The following DMD variants were observed in gnomAD, a reference collection of about 807,000 sequenced individuals.
The protein encoded by DMD is mutant dystrophin.
A neutral mutation model predicts 330.1 loss-of-function variants in DMD; 63 were observed. The ratio of observed to expected loss-of-function variants is 0.19; its 90% CI spans 0.16 to 0.24. The LOEUF (loss-of-function observed/expected upper bound fraction) is 0.24, where lower values mean the gene tolerates loss of function less well. DMD is among the 10% of genes least tolerant of loss of function. DMD has a pLI of 1.00. For synonymous variants in DMD, 1,223 were observed against 959.8 expected (o/e 1.27, Z -5.07); for missense variants, 3,344 against 2,684.1 (o/e 1.25, Z -5.43).
At chrX:33,130,145 A>G (rs2070511570) in intron 1 of DMD, among the ~76,000 whole-genome samples, 2 of 112,109 alleles carry the variant, frequency 1.8e-5, no homozygotes, top group Admixed American at 1.9e-4. Flanking sequence ...GGAACCCTAT[A>G]TATGAGTTTC....
intron 27 of DMD, among the ~76,000 whole-genome samples, chrX:32,445,146 A>T (rs967385697): frequency 1.8e-5 from 2 of 111,731 alleles, no homozygotes; most frequent in African/African-American, 3.2e-5. Context: ...ACTACGAGGT[A>T]CTATAAAAGC....
intron 51 of DMD, among the ~76,000 whole-genome samples, chrX:31,744,577 C>G (rs767125096): frequency 8.0e-5 from 9 of 112,309 alleles, no homozygotes; most frequent in Admixed American, 6.6e-4. Context: ...TCTCTTGTCC[C>G]TATTCAGAGG....
chrX:31,619,555 A>G (rs930573436), intron 55 of DMD, among the ~76,000 whole-genome samples: 2 of 111,939 alleles, frequency 1.8e-5, no homozygotes, highest in African/African-American at 6.5e-5. Flanking sequence ...TTATTCCCTT[A>G]TAAGATCCTC....
intron 76 of DMD, among the ~76,000 whole-genome samples, chrX:31,136,246 T>C (rs906271564): frequency 3.6e-5 from 4 of 111,274 alleles, no homozygotes; most frequent in African/African-American, 1.3e-4. Context: ...AAGGAATAGT[T>C]ACAAACTCTC....
intron 32 of DMD, among the ~76,000 whole-genome samples, 164 bp downstream of exon 32, chrX:32,389,337 C>T (rs951269745): frequency 8.9e-6 from 1 of 111,771 alleles, no homozygotes; most frequent in Non-Finnish European, 1.9e-5. Flanking sequence ...AAAAGACACA[C>T]AGAATAGGCC....
intron 1 of DMD, among the ~76,000 whole-genome samples, chrX:33,242,025 G>A (rs1015785964): frequency 1.8e-5 from 2 of 112,351 alleles, no homozygotes; most frequent in African/African-American, 6.5e-5. Flanking sequence ...GCCTCCCAAA[G>A]TGATGGGATT....
At chrX:33,052,428 A>T (rs2094467952) in intron 1 of DMD, among the ~76,000 whole-genome samples, 1 of 112,120 alleles carries the variant, frequency 8.9e-6, no homozygotes. Flanking sequence ...ATATAGTTTA[A>T]AACACACGGA....
chrX:31,131,716 C>T (rs1352036043), intron 77 of DMD, among the ~76,000 whole-genome samples: 1 of 111,640 alleles, frequency 9.0e-6, no homozygotes, highest in Non-Finnish European at 1.9e-5. Context: ...TGTGTGTGTA[C>T]ACACACATAT....
At chrX:33,050,248 G>C (rs1386375984) in intron 1 of DMD, among the ~76,000 whole-genome samples, 1 of 111,615 alleles carries the variant, frequency 9.0e-6, no homozygotes, top group Admixed American at 9.6e-5. Context: ...CATGTGATAA[G>C]TGTGTAATAA....
At chrX:31,239,323 A>G (rs905771263) in intron 63 of DMD, among the ~76,000 whole-genome samples, 2 of 112,170 alleles carry the variant, frequency 1.8e-5, no homozygotes, top group African/African-American at 6.5e-5. Flanking sequence ...TCTTATGAGT[A>G]TTCTTTAGGG....
chrX:31,855,395 G>T (rs926535160), intron 48 of DMD, among the ~76,000 whole-genome samples: 1 of 111,978 alleles, frequency 8.9e-6, no homozygotes, highest in Admixed American at 9.5e-5. Flanking sequence ...CCAATATAGA[G>T]CATCTCTAAG....
intron 41 of DMD, among the ~76,000 whole-genome samples, chrX:32,315,983 C>A (rs1034413287): frequency 9.0e-6 from 1 of 111,341 alleles, no homozygotes; most frequent in African/African-American, 3.3e-5. Flanking sequence ...TTTTTACAAA[C>A]TTTTAAATAA....
intron 44 of DMD, among the ~76,000 whole-genome samples, chrX:32,076,536 C>T (rs927441773): frequency 2.8e-5 from 3 of 108,862 alleles, no homozygotes; most frequent in Admixed American, 9.8e-5. Flanking sequence ...CCTGCCAGCA[C>T]GCCCGGCTAA....
intron 2 of DMD, among the ~76,000 whole-genome samples, chrX:32,862,620 A>G (rs1229724191): frequency 9.0e-6 from 1 of 111,589 alleles, no homozygotes; most frequent in Non-Finnish European, 1.9e-5. Flanking sequence ...TTTATCTTAT[A>G]TTTTTATGTA....
At chrX:32,626,207 A>G (rs865858482) in intron 11 of DMD, among the ~76,000 whole-genome samples, 15 of 112,194 alleles carry the variant, frequency 1.3e-4, no homozygotes, top group Middle Eastern at 4.6e-3. Flanking sequence ...ACAGTGGCTC[A>G]GGCCTGTAAT....
intron 1 of DMD, chrX:33,128,286 C>G (rs1293318358): frequency 1.9e-6 from 2 of 1,068,402 alleles, no homozygotes; most frequent in Non-Finnish European, 2.4e-6. Flanking sequence ...AGAGTCATAG[C>G]CAAGCACAGA....
chrX:32,532,538 A>G (rs1487911267), intron 17 of DMD, among the ~76,000 whole-genome samples: 1 of 112,655 alleles, frequency 8.9e-6, no homozygotes, highest in African/African-American at 3.2e-5. Context: ...AATTTCTATG[A>G]CACATTGTTA....
chrX:32,441,113 A>G, intron 28 of DMD, 67 bp downstream of exon 28: 1 of 1,115,512 alleles, frequency 9.0e-7, no homozygotes, highest in African/African-American at 1.8e-5. Flanking sequence ...TTTGTCTTCT[A>G]TTTGGTACTT....
intron 37 of DMD, among the ~76,000 whole-genome samples, chrX:32,352,392 A>C (rs2097784787): frequency 9.0e-6 from 1 of 111,234 alleles, no homozygotes; most frequent in South Asian, 3.7e-4. Context: ...AAAACAGATA[A>C]AATTAATTTT....
Sources: gnomAD v4.1 joint callset for allele counts (sites outside exome capture counted in the v4.1 genomes callset) on GRCh38, gnomAD v4.1.1 for gene constraint, MANE v1.5 for transcripts, NCBI Gene and HGNC (gene_info 2026-07-23, HGNC 2026-07-21) for gene names.